TLK1: variants seen among roughly 807,000 people sequenced by gnomAD.
TLK1 encodes serine/threonine-protein kinase tousled-like 1.
A neutral mutation model predicts 105.3 loss-of-function variants in TLK1; 24 were observed. That is an observed-to-expected ratio of 0.23 (90% CI 0.17 to 0.32). The LOEUF is 0.32. Ranked by LOEUF, TLK1 falls within the 10% of genes least tolerant of loss-of-function variation. The probability of loss-of-function intolerance (pLI) is 1.00; values close to 1 mark genes in which losing one functional copy is unlikely to be tolerated. For missense variants in TLK1, 558 were observed against 910.5 expected (o/e 0.61, Z 4.98); for synonymous variants, 321 against 310.4 (o/e 1.03, Z -0.36).
chr2:171,180,094 C>CAAAAAAA (rs57360155), intron 1 of TLK1, among the ~76,000 whole-genome samples: 1 of 68,746 alleles, frequency 1.5e-5, no homozygotes, highest in African/African-American at 4.9e-5. Context: ...GACTCTGTCT[C>CAAAAAAA]AAAAAAAAAA....
Position 171,140,485 on chromosome 2 carries a change from T to A in TLK1, c.139+19805A>T, listed in dbSNP as rs191226638. The stretch of plus-strand genomic sequence containing the variant: ...AGGCTGGAAAGCTAAGCAAAACATC[T>A]GAAAGCCTCACTGGGTTAGCCAGAC... On this transcript the variant is annotated intron_variant, in intron 1 of 20. Coordinates refer to ENST00000431350, the MANE Select transcript of TLK1 (RefSeq NM_012290.5). Among the ~76,000 whole-genome samples the A allele has an allele frequency of 7.7e-4, 117 of 152,314 alleles. No individual in the cohort carries two copies. In the Middle Eastern group the frequency reaches 0.017, roughly 22 times the overall value.
chr2:171,089,209 AG>A (rs1327282125), intron 2 of TLK1, among the ~76,000 whole-genome samples: 1 of 152,196 alleles, frequency 6.6e-6, no homozygotes, highest in African/African-American at 2.4e-5. Flanking sequence ...CTTGATTTGT[AG>A]GAATTCTTTC....
intron 1 of TLK1, among the ~76,000 whole-genome samples, chr2:171,187,927 A>G (rs577309203): frequency 1.3e-5 from 2 of 152,380 alleles, no homozygotes; most frequent in South Asian, 4.1e-4. Flanking sequence ...ATATTCTACA[A>G]TAAAAAGAAA....
chr2:170,999,002 G>A (rs1179202240), intron 18 of TLK1, among the ~76,000 whole-genome samples: 2 of 152,160 alleles, frequency 1.3e-5, no homozygotes, highest in African/African-American at 2.4e-5. Flanking sequence ...CTGGCCTTAC[G>A]TGATCCTCCC....
intron 2 of TLK1, among the ~76,000 whole-genome samples, chr2:171,101,408 A>G (rs1421111138): frequency 1.3e-5 from 2 of 151,454 alleles, no homozygotes; most frequent in Admixed American, 6.6e-5. Context: ...CCATTGATAT[A>G]AAATGTCCAG....
At chr2:171,214,099 G>A (rs561018154) in intron 1 of TLK1, among the ~76,000 whole-genome samples, 3 of 151,852 alleles carry the variant, frequency 2.0e-5, no homozygotes, top group African/African-American at 7.2e-5. Flanking sequence ...TCAGCTACTC[G>A]GGAGGCTGAG....
In TLK1 at chr2:171,064,748, T is replaced by A. The variant is rs551810080; in HGVS notation, c.331-3592A>T. On this transcript the variant is annotated intron_variant, in intron 3 of 20. Transcript: ENST00000431350. The stretch of plus-strand genomic sequence containing the variant: ...AGAAAATGAAGAAAGGAGAGACTAG[T>A]ACACTTTAAACCAAGTTAGCTGTGT... Among the ~76,000 whole-genome samples, 15 of 152,320 alleles carry A rather than the reference T, an allele frequency of 9.8e-5. No homozygotes were observed. In the South Asian group the frequency reaches 3.1e-3, roughly 32 times the overall value.
At chr2:171,109,807 T>A (rs867518377) in intron 2 of TLK1, among the ~76,000 whole-genome samples, 1 of 152,118 alleles carries the variant, frequency 6.6e-6, no homozygotes, top group African/African-American at 2.4e-5. Context: ...ACAAAAAGAA[T>A]TAACTACTAA....
intron 1 of TLK1, among the ~76,000 whole-genome samples, chr2:171,138,880 C>T (rs1316613279): frequency 6.6e-6 from 1 of 152,080 alleles, no homozygotes; most frequent in African/African-American, 2.4e-5. Context: ...AATACAGTAA[C>T]ATCCACAAAG....
chr2:171,097,647 G>C (rs1033678223), intron 2 of TLK1, among the ~76,000 whole-genome samples: 1 of 152,116 alleles, frequency 6.6e-6, no homozygotes, highest in Non-Finnish European at 1.5e-5. Context: ...ATAGGCGGCC[G>C]GGTGTGGTGG....
chr2:171,120,367 G>A (rs1475085974), intron 1 of TLK1, among the ~76,000 whole-genome samples: 3 of 149,862 alleles, frequency 2.0e-5, no homozygotes, highest in Non-Finnish European at 4.4e-5. Flanking sequence ...GCAACCCACA[G>A]AATGGAAAAA....
intron 2 of TLK1, among the ~76,000 whole-genome samples, chr2:171,105,797 A>G (rs777395087): frequency 6.6e-6 from 1 of 152,198 alleles, no homozygotes; most frequent in African/African-American, 2.4e-5. Flanking sequence ...GGAAAAAAAT[A>G]TGGAGGCTCC....
chr2:171,029,103 G>A (rs1685914919), intron 11 of TLK1, among the ~76,000 whole-genome samples: 1 of 152,126 alleles, frequency 6.6e-6, no homozygotes, highest in African/African-American at 2.4e-5. Context: ...TAGTCAAAAG[G>A]GTTGTGAGTA....
intron 1 of TLK1, among the ~76,000 whole-genome samples, chr2:171,201,894 C>CTAT (rs1485922918): frequency 2.1e-5 from 3 of 143,104 alleles, no homozygotes; most frequent in Non-Finnish European, 4.6e-5. Context: ...CATTTATCAG[C>CTAT]TATCATCTAT....
intron 1 of TLK1, among the ~76,000 whole-genome samples, chr2:171,215,190 C>G (rs893173946): frequency 6.6e-6 from 1 of 152,338 alleles, no homozygotes; most frequent in Non-Finnish European, 1.5e-5. Flanking sequence ...ATCTGCCCAC[C>G]TCAGCCTCCC....
chr2:170,993,710 CAA>C lies in TLK1; in HGVS notation c.*68_*69del, dbSNP rs1683906875. ...AAAAAAGAAAAAGAAAACAAACACTCAAATGCTCTCAAACTTAAGTGTGCATC... is the reference window on the plus strand; with the variant it reads ...AAAAAAGAAAAAGAAAACAAACACTCATGCTCTCAAACTTAAGTGTGCATC... On this transcript the variant is annotated 3_prime_UTR_variant, in exon 21 of 21. Coordinates refer to ENST00000431350, the MANE Select transcript of TLK1 (RefSeq NM_012290.5). The C allele has an allele frequency of 1.3e-6, 1 of 773,938 alleles. No individual in the cohort carries two copies. The highest frequency in any genetic ancestry group is 1.8e-6 in the Non-Finnish European group (1 of 542,398). The allele number at this position is 773,938 out of a possible 1,614,324, so 47.9% of individuals were successfully genotyped here.
At chr2:171,036,617 T>C (rs1423938855) in intron 11 of TLK1, among the ~76,000 whole-genome samples, 2 of 152,202 alleles carry the variant, frequency 1.3e-5, no homozygotes, top group African/African-American at 4.8e-5. Flanking sequence ...TGAACAGAAA[T>C]GTCTCTAAAC....
At chr2:171,094,628 G>C (rs1184111350) in intron 2 of TLK1, among the ~76,000 whole-genome samples, 2 of 152,090 alleles carry the variant, frequency 1.3e-5, no homozygotes, top group African/African-American at 4.8e-5. Flanking sequence ...TTTTTTCCGA[G>C]ACAGAGTTTT....
intron 1 of TLK1, among the ~76,000 whole-genome samples, chr2:171,122,097 C>A (rs1212032460): frequency 6.6e-6 from 1 of 152,174 alleles, no homozygotes; most frequent in African/African-American, 2.4e-5. Context: ...CAGGTGCTCA[C>A]CACCACGCCC....
Sources: gnomAD v4.1 joint callset for allele counts (sites outside exome capture counted in the v4.1 genomes callset) on GRCh38, gnomAD v4.1.1 for gene constraint, MANE v1.5 for transcripts, NCBI Gene and HGNC (gene_info 2026-07-23, HGNC 2026-07-21) for gene names.